CDH12: variants seen among roughly 807,000 people sequenced by gnomAD.
CDH12 encodes the protein cadherin 12.
CDH12 carries 41 observed loss-of-function variants against 74.1 expected under a neutral mutation model. That is an observed-to-expected ratio of 0.55 (90% CI 0.43 to 0.72). The LOEUF (loss-of-function observed/expected upper bound fraction) is 0.72, where lower values mean the gene tolerates loss of function less well. CDH12 is among the 30% of genes least tolerant of loss of function. The probability of loss-of-function intolerance (pLI) is 0.00; values close to 1 mark genes in which losing one functional copy is unlikely to be tolerated. For synonymous variants in CDH12, 399 were observed against 355.0 expected (o/e 1.12, Z -1.39); for missense variants, 945 against 977.2 (o/e 0.97, Z 0.44).
At chr5:21,804,645 C>G (rs62348725) in intron 9 of CDH12, among the ~76,000 whole-genome samples, 1 of 77,998 alleles carries the variant, frequency 1.3e-5, no homozygotes, top group East Asian at 5.9e-4. Flanking sequence ...TGAATTAAAA[C>G]ACACACACAC....
intron 1 of CDH12, among the ~76,000 whole-genome samples, chr5:22,525,476 AAGAGAGAGAGAAAG>A (rs1039667077): frequency 6.6e-5 from 10 of 150,554 alleles, no homozygotes; most frequent in South Asian, 2.1e-4. Context: ...GAGAGAGAGC[AAGAGAGAGAGAAAG>A]AGAGAGAGAG....
intron 2 of CDH12, among the ~76,000 whole-genome samples, chr5:22,480,696 A>G (rs775695024): frequency 5.9e-5 from 9 of 152,188 alleles, no homozygotes; most frequent in Non-Finnish European, 1.0e-4. Flanking sequence ...GCTTTTCCTC[A>G]AACAAGTTTC....
chr5:22,502,100 T>C (rs1477511129), intron 2 of CDH12, among the ~76,000 whole-genome samples: 2 of 152,158 alleles, frequency 1.3e-5, no homozygotes, highest in Admixed American at 6.6e-5. Context: ...GGAATCTTGA[T>C]AGTTGATATG....
chr5:22,322,846 A>G (rs1424064942), intron 3 of CDH12, among the ~76,000 whole-genome samples: 1 of 152,084 alleles, frequency 6.6e-6, no homozygotes, highest in African/African-American at 2.4e-5. Context: ...ACAACTGCAA[A>G]CTCAATTACA....
In CDH12 at chr5:21,755,801, G is replaced by C. The variant is rs372690961; in HGVS notation, c.1675C>G (p.Arg559Gly). 1 of 1,613,814 alleles carries C rather than the reference G, an allele frequency of 6.2e-7. No individual in the cohort carries two copies. The highest frequency in any genetic ancestry group is 1.1e-5 in the South Asian group (1 of 91,072). The stretch of plus-strand genomic sequence containing the variant: ...AGGAAATACAACTCTTGCTGCCTGC[G>C]GCTGTATCCATTTCTTCGGGTTTCA... ...GIETRRNGYSRRQQELYFLPV... is the reference protein window; with the variant it reads ...GIETRRNGYSGRQQELYFLPV... Residue 559 changes from arginine to glycine, a missense_variant, in exon 14 of 15, where the codon CGC becomes GGC. Physicochemically the swap from Arg to Gly is moderately radical, Grantham distance 125. Transcript: ENST00000382254.
At chr5:22,166,223 A>G (rs1215218909) in intron 4 of CDH12, among the ~76,000 whole-genome samples, 2 of 152,136 alleles carry the variant, frequency 1.3e-5, no homozygotes, top group African/African-American at 4.8e-5. Flanking sequence ...TGCAAGTTTC[A>G]GATATGCAAG....
At chr5:22,348,003 G>A (rs913656458) in intron 3 of CDH12, among the ~76,000 whole-genome samples, 5 of 152,128 alleles carry the variant, frequency 3.3e-5, no homozygotes, top group Non-Finnish European at 5.9e-5. Context: ...CCTCCAGGAC[G>A]GTTCACCTTC....
intron 2 of CDH12, among the ~76,000 whole-genome samples, chr5:22,483,746 AAC>A (rs1746471684): frequency 1.2e-5 from 1 of 86,698 alleles, no homozygotes; most frequent in Non-Finnish European, 2.3e-5. Flanking sequence ...TCTCTTTCAA[AAC>A]TATATATATA....
chr5:22,713,872 A>AG (rs1196670170), intron 1 of CDH12, among the ~76,000 whole-genome samples: 2 of 152,156 alleles, frequency 1.3e-5, no homozygotes, highest in Non-Finnish European at 2.9e-5. Context: ...TAGAAAATCT[A>AG]ATGCTATTAC....
chr5:21,840,669 T>C (rs951173766), intron 8 of CDH12, among the ~76,000 whole-genome samples: 1 of 151,846 alleles, frequency 6.6e-6, no homozygotes, highest in African/African-American at 2.4e-5. Context: ...TATAGATCAA[T>C]GGAACAGAAC....
intron 5 of CDH12, among the ~76,000 whole-genome samples, chr5:22,019,425 T>C (rs893680718): frequency 1.3e-5 from 2 of 152,164 alleles, no homozygotes; most frequent in African/African-American, 4.8e-5. Flanking sequence ...AAAGTACCTA[T>C]GTTGAAATTG....
At chr5:22,234,568 G>GT (rs946347034) in intron 3 of CDH12, among the ~76,000 whole-genome samples, 5 of 146,438 alleles carry the variant, frequency 3.4e-5, no homozygotes, top group Admixed American at 6.8e-5. Flanking sequence ...GGTATGTGGG[G>GT]TTTTTTTTGT....
At chr5:22,491,610 C>CAAAA (rs11446320) in intron 2 of CDH12, among the ~76,000 whole-genome samples, 3 of 120,840 alleles carry the variant, frequency 2.5e-5, no homozygotes, top group South Asian at 2.9e-4. Flanking sequence ...AGCTAATGAG[C>CAAAA]AAAAAAAAAA....
intron 3 of CDH12, among the ~76,000 whole-genome samples, chr5:22,322,668 C>T (rs1287705874): frequency 6.6e-6 from 1 of 152,140 alleles, no homozygotes; most frequent in Non-Finnish European, 1.5e-5. Flanking sequence ...AATTTGAAAT[C>T]AGATTTATTT....
rs536708128 is a variant in CDH12 at position 22,114,206 on chromosome 5, T to A, written c.-186-35344A>T. Among the ~76,000 whole-genome samples, 308 of 152,364 alleles carry A rather than the reference T, an allele frequency of 2.0e-3. 1 individual carries two copies. Among genetic ancestry groups the A allele is most frequent in the African/African-American group, 7.0e-3 (291 of 41,582 alleles). ...ATTATCAGTTCCCCGCATTGAATTC[T>A]GTCTGTTTCAAATGCTCTAGAATAG... On this transcript the variant is annotated intron_variant, in intron 4 of 14. Transcript: ENST00000382254.
chr5:22,086,429 C>T (rs1453779728), intron 4 of CDH12, among the ~76,000 whole-genome samples: 3 of 152,098 alleles, frequency 2.0e-5, no homozygotes, highest in Non-Finnish European at 4.4e-5. Context: ...ATTCCAGCCT[C>T]CGCCTCCCGG....
At chr5:22,819,535 T>A (rs1297741455) in intron 1 of CDH12, among the ~76,000 whole-genome samples, 2 of 152,032 alleles carry the variant, frequency 1.3e-5, no homozygotes, top group African/African-American at 2.4e-5. Flanking sequence ...GCAAATTTCC[T>A]TTGGAAAAAA....
At chr5:21,811,199 G>A (rs567813146) in intron 9 of CDH12, among the ~76,000 whole-genome samples, 1 of 151,792 alleles carries the variant, frequency 6.6e-6, no homozygotes, top group South Asian at 2.1e-4. Context: ...TCCAAAAAAG[G>A]TTTACTTTTA....
chr5:22,664,982 A>G (rs1404209131), intron 1 of CDH12, among the ~76,000 whole-genome samples: 1 of 152,166 alleles, frequency 6.6e-6, no homozygotes, highest in African/African-American at 2.4e-5. Flanking sequence ...GGGTCTCACT[A>G]TATTGCCCAG....
Sources: gnomAD v4.1 joint callset for allele counts (sites outside exome capture counted in the v4.1 genomes callset) on GRCh38, gnomAD v4.1.1 for gene constraint, MANE v1.5 for transcripts, NCBI Gene and HGNC (gene_info 2026-07-23, HGNC 2026-07-21) for gene names.